The following PPP2R2B variants were observed in gnomAD, a reference collection of about 807,000 sequenced individuals.
The protein encoded by PPP2R2B is protein phosphatase 2 regulatory subunit Bbeta.
Under a neutral mutation model 46.0 loss-of-function variants are expected in PPP2R2B, and 5 were observed. That is an observed-to-expected ratio of 0.11 (90% CI 0.06 to 0.23). The LOEUF (loss-of-function observed/expected upper bound fraction) is 0.23. PPP2R2B is among the 10% of genes least tolerant of loss of function. The pLI is 1.00. For missense variants in PPP2R2B, 367 were observed against 575.0 expected (o/e 0.64, Z 3.70); for synonymous variants, 215 against 206.7 (o/e 1.04, Z -0.34).
intron 2 of PPP2R2B, among the ~76,000 whole-genome samples, chr5:146,809,112 G>C (rs528111727): frequency 1.0e-3 from 157 of 152,212 alleles, no homozygotes; most frequent in African/African-American, 3.7e-3. Context: ...TCCAATGTCA[G>C]GGGCTTTGGG....
rs536817941 is a variant in PPP2R2B, at chr5:146,775,868, G to A, written c.71-74726C>T. On this transcript the variant is annotated intron_variant, in intron 2 of 9. Coordinates refer to ENST00000394411, the MANE Select transcript of PPP2R2B (RefSeq NM_181675.4). ...CTCTGAGAAGGAAGTTTATAAAAAC[G>A]CTGTTTACAATAGCATAAAAAATAA... Among the ~76,000 whole-genome samples, 5 of 152,162 alleles carry A rather than the reference G, an allele frequency of 3.3e-5. No individual in the cohort carries two copies. In the East Asian group the frequency reaches 5.8e-4, roughly 18 times the overall value.
intron 2 of PPP2R2B, among the ~76,000 whole-genome samples, chr5:146,807,888 C>T (rs779168798): frequency 5.4e-4 from 80 of 146,964 alleles, no homozygotes; most frequent in Middle Eastern, 7.4e-3. Context: ...CAACCTCCGC[C>T]TGGTGGGTTC....
chr5:146,823,635 C>G lies in PPP2R2B; in HGVS notation c.70+54367G>C, dbSNP rs576049731. 9.9e-5 allele frequency among the ~76,000 whole-genome samples: 15 copies of G among 152,160 alleles called. No homozygotes were observed. In the East Asian group the frequency reaches 2.9e-3, roughly 30 times the overall value. On this transcript the variant is annotated intron_variant, in intron 2 of 9. Coordinates refer to ENST00000394411, the MANE Select transcript of PPP2R2B (RefSeq NM_181675.4). ...CCTCATTCCTAATGTCATAGTGCCA[C>G]GTCCACTTTAAAGTTTAAAATCTTG...
chr5:146,841,959 T>A (rs1489490333), intron 2 of PPP2R2B, among the ~76,000 whole-genome samples: 1 of 152,172 alleles, frequency 6.6e-6, no homozygotes, highest in African/African-American at 2.4e-5. Context: ...AGAGATTTGA[T>A]ATCAGAAATC....
At chr5:146,848,160 GATTTT>G (rs1042245759) in intron 2 of PPP2R2B, among the ~76,000 whole-genome samples, 1 of 151,926 alleles carries the variant, frequency 6.6e-6, no homozygotes, top group Non-Finnish European at 1.5e-5. Context: ...CTTATTAACA[GATTTT>G]ATTTTTAAAA....
Position 146,720,866 on chromosome 5 carries a change from G to A in PPP2R2B, c.71-19724C>T, listed in dbSNP as rs148410834. On this transcript the variant is annotated intron_variant, in intron 2 of 9. Coordinates refer to ENST00000394411, the MANE Select transcript of PPP2R2B (RefSeq NM_181675.4). ...TTCCAAATTTATCTGACTATAGAAT[G>A]CTACTGAAAAATACTGCTTTATACA... Among the ~76,000 whole-genome samples, 494 of 152,242 alleles carry A rather than the reference G, an allele frequency of 3.2e-3. 9 individuals are homozygous for A. The highest frequency in any genetic ancestry group is 0.011 in the African/African-American group (465 of 41,540).
intron 2 of PPP2R2B, among the ~76,000 whole-genome samples, chr5:146,826,135 G>A (rs181529462): frequency 6.6e-5 from 10 of 152,126 alleles, no homozygotes; most frequent in Admixed American, 5.9e-4. Context: ...CTCGGTACTT[G>A]GCATTTCTTT....
intron 2 of PPP2R2B, among the ~76,000 whole-genome samples, chr5:146,821,342 T>G (rs1758250230): frequency 6.6e-6 from 1 of 152,174 alleles, no homozygotes; most frequent in Admixed American, 6.5e-5. Context: ...TTCTTCACTG[T>G]CATACCACCC....
intron 1 of PPP2R2B, among the ~76,000 whole-genome samples, chr5:146,925,325 G>A (rs1253821172): frequency 1.3e-5 from 2 of 152,080 alleles, no homozygotes; most frequent in East Asian, 3.9e-4. Context: ...TTAAAACAGG[G>A]CTGCTAGCAA....
At chr5:146,873,912 C>T (rs1043963271) in intron 2 of PPP2R2B, among the ~76,000 whole-genome samples, 2 of 152,228 alleles carry the variant, frequency 1.3e-5, no homozygotes, top group Non-Finnish European at 2.9e-5. Context: ...TCACTCTTCT[C>T]CCTGTTCCTA....
At chr5:146,996,860 G>A (rs1753945771) in intron 1 of PPP2R2B, among the ~76,000 whole-genome samples, 1 of 151,966 alleles carries the variant, frequency 6.6e-6, no homozygotes, top group Non-Finnish European at 1.5e-5. Flanking sequence ...GTCCCACCAG[G>A]CCTCACACTC....
intron 2 of PPP2R2B, among the ~76,000 whole-genome samples, chr5:146,780,695 G>A (rs761688252): frequency 6.6e-6 from 1 of 152,128 alleles, no homozygotes; most frequent in Admixed American, 6.5e-5. Flanking sequence ...AGGAATCCCT[G>A]TGCTGTTTGC....
At chr5:146,833,399 A>C (rs1228703475) in intron 2 of PPP2R2B, among the ~76,000 whole-genome samples, 5 of 152,188 alleles carry the variant, frequency 3.3e-5, no homozygotes, top group African/African-American at 1.2e-4. Flanking sequence ...AGTACATGCA[A>C]GGATCTAAGC....
intron 1 of PPP2R2B, among the ~76,000 whole-genome samples, chr5:146,940,355 C>T (rs1764281550): frequency 6.6e-6 from 1 of 152,128 alleles, no homozygotes; most frequent in South Asian, 2.1e-4. Context: ...CAGAGAACTT[C>T]TCTGGAATAT....
In PPP2R2B at chr5:146,908,673, G is replaced by A. The variant is rs75099369; in HGVS notation, c.79+146992C>T. On this transcript the variant is annotated intron_variant, in intron 1 of 8. Transcript: ENST00000336640. ...GTTGAAGAAGGTGATGACCTAGAGT[G>A]TTGAGAAACTTCCCAAAGGCCCTAC... Among the ~76,000 whole-genome samples, 542 of 152,104 alleles carry A rather than the reference G, an allele frequency of 3.6e-3. 7 individuals are homozygous for A. The highest frequency in any genetic ancestry group is 0.027 in the Middle Eastern group (8 of 294).
intron 2 of PPP2R2B, among the ~76,000 whole-genome samples, chr5:146,732,915 A>C (rs953149761): frequency 1.3e-5 from 2 of 152,238 alleles, no homozygotes. Context: ...AAGGAGGCTG[A>C]TTCTAAAGCC....
At chr5:146,660,082 G>A (rs944886697) in intron 5 of PPP2R2B, among the ~76,000 whole-genome samples, 1 of 152,108 alleles carries the variant, frequency 6.6e-6, no homozygotes, top group Admixed American at 6.6e-5. Flanking sequence ...TTTGCAAATA[G>A]CTCCGTCCTC....
chr5:146,835,861 TG>T (rs1759248862), intron 2 of PPP2R2B, among the ~76,000 whole-genome samples: 1 of 152,186 alleles, frequency 6.6e-6, no homozygotes, highest in African/African-American at 2.4e-5. Flanking sequence ...CTACTAATTC[TG>T]CATCAAAGAC....
chr5:146,765,413 C>T (rs1444598029), intron 2 of PPP2R2B, among the ~76,000 whole-genome samples: 1 of 152,114 alleles, frequency 6.6e-6, no homozygotes, highest in Non-Finnish European at 1.5e-5. Context: ...TCTCTTTTTC[C>T]TTATTCCTCT....
Sources: allele counts gnomAD v4.1 joint callset (sites outside exome capture counted in the v4.1 genomes callset), GRCh38; gene constraint gnomAD v4.1.1; transcripts MANE v1.5; gene names NCBI Gene and HGNC (gene_info 2026-07-23, HGNC 2026-07-21).